Variants in ANAPC11 observed in about 807,000 individuals in gnomAD.
The protein encoded by ANAPC11 is anaphase-promoting complex subunit 11.
In ANAPC11, 5 loss-of-function variants were observed where a neutral mutation model predicts 11.8. The ratio of observed to expected loss-of-function variants is 0.42; its 90% CI spans 0.22 to 0.89. The LOEUF (loss-of-function observed/expected upper bound fraction) is 0.89. ANAPC11 is among the 40% of genes least tolerant of loss of function. The pLI, the probability that ANAPC11 is intolerant of heterozygous loss-of-function variation, is 0.28. For synonymous variants in ANAPC11, 45 were observed against 41.0 expected, an observed-to-expected ratio of 1.10 and a Z score of -0.38; for missense variants, 68 against 112.9, an observed-to-expected ratio of 0.60 and a Z score of 1.80.
upstream of ANAPC11, chr17:81,891,714 G>T: frequency 1.2e-6 from 1 of 829,722 alleles, no homozygotes. Context: ...GGGTGAGGCG[G>T]GGAGGCGCGT....
intron 3 of ANAPC11, among the ~76,000 whole-genome samples, chr17:81,897,667 A>G (rs2039789490): frequency 6.6e-6 from 1 of 152,034 alleles, no homozygotes; most frequent in Admixed American, 6.6e-5. Context: ...TATTTTTTGT[A>G]GAGACAGGGT....
downstream of ANAPC11, chr17:81,900,355 A>G: frequency 2.1e-6 from 1 of 474,784 alleles, no homozygotes; most frequent in African/African-American, 2.0e-5. Flanking sequence ...TGAAACGCCA[A>G]GGCCCTCGTC....
At chr17:81,890,864 C>T (rs936811253), upstream of ANAPC11, 4 of 1,613,284 alleles carry the variant, frequency 2.5e-6, no homozygotes, top group African/African-American at 1.3e-5. Flanking sequence ...GAGTCTCAGT[C>T]CAGGGCTTTC....
At chr17:81,896,827 T>C (rs1317652164) in intron 3 of ANAPC11, among the ~76,000 whole-genome samples, 1 of 125,212 alleles carries the variant, frequency 8.0e-6, no homozygotes, top group East Asian at 2.1e-4. Flanking sequence ...TTTTTTTTTT[T>C]TTTGAGATAG....
chr17:81,891,039 G>A, upstream of ANAPC11: 6 of 724,958 alleles, frequency 8.3e-6, no homozygotes, highest in East Asian at 2.8e-5. Flanking sequence ...ACTTCCCGCC[G>A]CCTGTGCCGC....
At chr17:81,891,683 G>C (rs1027179772), upstream of ANAPC11, 19 of 1,076,688 alleles carry the variant, frequency 1.8e-5, no homozygotes, top group Non-Finnish European at 2.1e-5. Flanking sequence ...GCCGCTGGCG[G>C]ACGGCTGCGC....
chr17:81,899,229 C>T, intron 3 of ANAPC11: 2 of 1,608,654 alleles, frequency 1.2e-6, no homozygotes, highest in African/African-American at 2.7e-5. Context: ...ACAAGCATCC[C>T]TCTCTGTGTC....
At chr17:81,900,293 A>T, downstream of ANAPC11, 1 of 624,034 alleles carries the variant, frequency 1.6e-6, no homozygotes, top group South Asian at 2.1e-5. Flanking sequence ...CGGCATATAG[A>T]TGTGGTCTCG....
chr17:81,894,719 T>G (rs923488848), intron 3 of ANAPC11, 133 bp downstream of exon 3: 2 of 421,612 alleles, frequency 4.7e-6, no homozygotes, highest in African/African-American at 4.3e-5. Context: ...CATTTTCTTT[T>G]TTTTTTTTTT....
intron 3 of ANAPC11, among the ~76,000 whole-genome samples, chr17:81,895,276 G>T (rs375092066): frequency 6.6e-6 from 1 of 151,752 alleles, no homozygotes; most frequent in East Asian, 1.9e-4. Context: ...GTCTCGAACT[G>T]TCAACCTCAG....
chr17:81,899,849 C>G lies in ANAPC11; in HGVS notation c.110-71C>G. Reference sequence around the variant, plus strand: ...CTGCCCAGGGTCCCTACCTGCACCCCTGCCTGGCTTGTCACATGCTCTGTG... The same window carrying G: ...CTGCCCAGGGTCCCTACCTGCACCCGTGCCTGGCTTGTCACATGCTCTGTG... On this transcript the variant is annotated intron_variant, in intron 3 of 3. Coordinates refer to ENST00000344877, the MANE Select transcript of ANAPC11 (RefSeq NM_001002248.3). The G allele has an allele frequency of 2.0e-6, 3 of 1,499,382 alleles. No homozygotes were observed. In the South Asian group the frequency reaches 3.8e-5, roughly 19 times the overall value. The allele number at this position is 1,499,382 out of a possible 1,614,324, so 92.9% of individuals were successfully genotyped here. A position where few individuals can be genotyped will look rare whatever the true frequency, so the allele number is the denominator to read the frequency against.
chr17:81,899,945 G>C lies in ANAPC11; in HGVS notation c.135G>C (p.Pro45=). The C allele has an allele frequency of 6.2e-7, 1 of 1,610,430 alleles. No individual in the cohort carries two copies. ...GCAAGGTGCCCGGCGACGACTGCCC[G>C]CTGGTGTGGGGCCAGTGCTCCCACT... The part of the protein sequence containing the change: ...PDCKVPGDDC[P]LVWGQCSHCF... The change falls in exon 4 of 4, where the codon CCG becomes CCC. Residue 45 remains proline, a synonymous_variant. Coordinates refer to ENST00000344877, the MANE Select transcript of ANAPC11 (RefSeq NM_001002248.3).
upstream of ANAPC11, chr17:81,891,484 C>T (rs2039528865): frequency 2.4e-6 from 3 of 1,224,970 alleles, no homozygotes; most frequent in Non-Finnish European, 3.1e-6. Context: ...CGGCCCCGGC[C>T]CCCGCCCCGG....
chr17:81,899,876 C>G lies in ANAPC11; in HGVS notation c.110-44C>G, dbSNP rs368182201. 4.4e-6 allele frequency: 7 copies of G among 1,579,190 alleles called. No homozygotes were observed. The African/African-American group carries it at 8.1e-5, about 18-fold the overall frequency. On this transcript the variant is annotated intron_variant, in intron 3 of 3. Transcript: ENST00000344877. ...GCCTGGCTTGTCACATGCTCTGTGT[C>G]CAGCCTGGTCATGCCTGTCCTTTTC...
At chr17:81,896,360 T>G (rs2039741513) in intron 3 of ANAPC11, among the ~76,000 whole-genome samples, 2 of 152,202 alleles carry the variant, frequency 1.3e-5, no homozygotes, top group East Asian at 3.9e-4. Flanking sequence ...AGGCAGATGT[T>G]GTGGTGAGCC....
chr17:81,890,883 C>T, upstream of ANAPC11: 1 of 1,609,410 alleles, frequency 6.2e-7, no homozygotes, highest in East Asian at 2.2e-5. Flanking sequence ...TCCTGACCCT[C>T]ACGGCTACTC....
Position 81,900,171 on chromosome 17 carries a change from A to G in ANAPC11, c.*106A>G, listed in dbSNP as rs2039895131. ...CCTGAGCTGCAACAAGGTGGAAACAAGGGCTGGAGCTGCGTTTGTTTTGCC... is the reference window on the plus strand; with the variant it reads ...CCTGAGCTGCAACAAGGTGGAAACAGGGGCTGGAGCTGCGTTTGTTTTGCC... On this transcript the variant is annotated 3_prime_UTR_variant, in exon 4 of 4. Coordinates refer to ENST00000344877, the MANE Select transcript of ANAPC11 (RefSeq NM_001002248.3). The G allele has an allele frequency of 6.6e-7, 1 of 1,523,036 alleles. No homozygotes were observed. The highest frequency in any genetic ancestry group is 1.4e-5 in the African/African-American group (1 of 72,626). 94.3% of individuals were successfully genotyped at this position (1,523,036 alleles called of 1,614,324 possible).
upstream of ANAPC11, chr17:81,890,910 C>G (rs2039509625): frequency 1.3e-6 from 2 of 1,574,898 alleles, no homozygotes; most frequent in Admixed American, 3.5e-5. Flanking sequence ...CTTCCTCTTC[C>G]CGGCCTGAGA....
chr17:81,891,469 G>T (rs2039528387), upstream of ANAPC11: 1 of 1,127,922 alleles, frequency 8.9e-7, no homozygotes, highest in Non-Finnish European at 1.1e-6. Flanking sequence ...GAGCCGGCCC[G>T]GCCGCGGCCC....
Sources: allele counts gnomAD v4.1 joint callset (sites outside exome capture counted in the v4.1 genomes callset), GRCh38; gene constraint gnomAD v4.1.1; transcripts MANE v1.5; gene names NCBI Gene and HGNC (gene_info 2026-07-23, HGNC 2026-07-21).